The following COL25A1 variants were observed in gnomAD, a reference collection of about 807,000 sequenced individuals.
The protein encoded by COL25A1 is collagen alpha-1(XXV) chain.
Under a neutral mutation model 128.4 loss-of-function variants are expected in COL25A1, and 103 were observed. That is an observed-to-expected ratio of 0.80 (90% CI 0.68 to 0.94). The LOEUF (loss-of-function observed/expected upper bound fraction) is 0.94, where lower values mean the gene tolerates loss of function less well. Among genes scored for constraint, COL25A1 ranks in the 40% least tolerant of loss-of-function variants. COL25A1 has a pLI of 0.00. For missense variants in COL25A1, 745 were observed against 840.0 expected (o/e 0.89, Z 1.40); for synonymous variants, 279 against 277.2 (o/e 1.01, Z -0.06).
intron 3 of COL25A1, among the ~76,000 whole-genome samples, chr4:109,110,912 G>A (rs1371043942): frequency 6.6e-6 from 1 of 151,998 alleles, no homozygotes; most frequent in African/African-American, 2.4e-5. Context: ...TCCTACTCTG[G>A]CTCCATGATT....
intron 3 of COL25A1, among the ~76,000 whole-genome samples, chr4:109,092,459 C>T (rs776332048): frequency 2.8e-4 from 43 of 152,158 alleles, no homozygotes; most frequent in Non-Finnish European, 3.4e-4. Flanking sequence ...ACTGCATTCC[C>T]GCCTGGGTGA....
At chr4:109,180,958 T>C (rs1774573423) in intron 3 of COL25A1, among the ~76,000 whole-genome samples, 1 of 152,190 alleles carries the variant, frequency 6.6e-6, no homozygotes, top group African/African-American at 2.4e-5. Context: ...ATCAAATATA[T>C]AATGTCATAA....
chr4:109,137,174 G>A (rs932858791), intron 3 of COL25A1, among the ~76,000 whole-genome samples: 1 of 152,140 alleles, frequency 6.6e-6, no homozygotes, highest in African/African-American at 2.4e-5. Flanking sequence ...GAACTGGGTC[G>A]AGCATTAACC....
At chr4:108,935,325 G>C (rs764714209) in intron 11 of COL25A1, among the ~76,000 whole-genome samples, 4 of 152,140 alleles carry the variant, frequency 2.6e-5, no homozygotes, top group Non-Finnish European at 5.9e-5. Flanking sequence ...ATGGCAACTG[G>C]GGGTAAAGAA....
intron 3 of COL25A1, among the ~76,000 whole-genome samples, chr4:109,248,550 A>T (rs1780434825): frequency 6.6e-6 from 1 of 151,356 alleles, no homozygotes; most frequent in African/African-American, 2.5e-5. Flanking sequence ...ACACAAAAAG[A>T]ATCAGCATCT....
chr4:109,165,740 CA>C (rs1262394332), intron 3 of COL25A1, among the ~76,000 whole-genome samples: 1 of 152,064 alleles, frequency 6.6e-6, no homozygotes, highest in Non-Finnish European at 1.5e-5. Context: ...AATTAGTAGT[CA>C]TGATGGTGTA....
At chr4:108,825,425 G>T (rs532991529) in intron 33 of COL25A1, among the ~76,000 whole-genome samples, 4 of 152,226 alleles carry the variant, frequency 2.6e-5, no homozygotes, top group Middle Eastern at 3.4e-3. Flanking sequence ...GGGTTAAATA[G>T]ATTAATATTT....
chr4:108,955,640 G>A (rs12511634), intron 8 of COL25A1, among the ~76,000 whole-genome samples: 33,542 of 151,990 alleles, frequency 0.22, 3,781 homozygotes, highest in Non-Finnish European at 0.24. Context: ...TGTGTCAGGA[G>A]CACTTGGGCT....
intron 3 of COL25A1, among the ~76,000 whole-genome samples, chr4:109,240,015 G>A (rs1779778084): frequency 6.6e-6 from 1 of 152,002 alleles, no homozygotes; most frequent in African/African-American, 2.4e-5. Flanking sequence ...AAGGTCTTCA[G>A]GGGCAATGAC....
intron 6 of COL25A1, among the ~76,000 whole-genome samples, chr4:108,979,119 G>A (rs766538311): frequency 1.2e-4 from 18 of 152,058 alleles, no homozygotes; most frequent in Non-Finnish European, 7.4e-5. Flanking sequence ...AAATTTCTGT[G>A]GCAAACTTAA....
chr4:109,184,528 T>C (rs1774966384), intron 3 of COL25A1, among the ~76,000 whole-genome samples: 1 of 152,132 alleles, frequency 6.6e-6, no homozygotes, highest in Admixed American at 6.6e-5. Context: ...CTTTCTAGAC[T>C]ATATTTAGCT....
chr4:108,982,167 C>T (rs1293372855), intron 6 of COL25A1, among the ~76,000 whole-genome samples: 2 of 152,190 alleles, frequency 1.3e-5, no homozygotes, highest in Non-Finnish European at 2.9e-5. Flanking sequence ...GCACTCCAGC[C>T]TGGGCAACAG....
intron 3 of COL25A1, among the ~76,000 whole-genome samples, chr4:109,062,871 G>A (rs890882472): frequency 1.8e-4 from 27 of 152,114 alleles, no homozygotes; most frequent in Non-Finnish European, 3.5e-4. Flanking sequence ...AAATCCCCAA[G>A]ACACCTGATT....
intron 6 of COL25A1, among the ~76,000 whole-genome samples, chr4:108,999,558 C>T (rs1405600967): frequency 5.3e-5 from 8 of 152,254 alleles, no homozygotes; most frequent in South Asian, 2.1e-4. Flanking sequence ...GACAGTGTGG[C>T]GATTCCTCAA....
At chr4:108,856,791 T>G (rs1052627358) in intron 24 of COL25A1, among the ~76,000 whole-genome samples, 9 of 152,094 alleles carry the variant, frequency 5.9e-5, no homozygotes, top group African/African-American at 2.2e-4. Context: ...CATATTGAAA[T>G]ATAGGTGTCA....
chr4:108,971,457 G>C (rs548406637), intron 8 of COL25A1, among the ~76,000 whole-genome samples: 26 of 152,290 alleles, frequency 1.7e-4, no homozygotes, highest in Admixed American at 1.4e-3. Flanking sequence ...AGTTAGAGAA[G>C]TTCTCTCAGA....
At chr4:109,046,952 A>G (rs927417204) in intron 5 of COL25A1, among the ~76,000 whole-genome samples, 1 of 152,154 alleles carries the variant, frequency 6.6e-6, no homozygotes, top group African/African-American at 2.4e-5. Flanking sequence ...TTACTCAAAA[A>G]CACATCTAGC....
At chr4:109,214,837 CT>C (rs953515210) in intron 3 of COL25A1, among the ~76,000 whole-genome samples, 3 of 152,132 alleles carry the variant, frequency 2.0e-5, no homozygotes, top group African/African-American at 7.2e-5. Context: ...CATGGTTACC[CT>C]TTGATCTCAC....
chr4:108,852,107 C>T, intron 26 of COL25A1, 129 bp downstream of exon 26: 1 of 696,274 alleles, frequency 1.4e-6, no homozygotes, highest in Non-Finnish European at 2.4e-6. Context: ...TTTCTTCGCT[C>T]TCTAAAACAA....
Sources: allele counts gnomAD v4.1 joint callset (sites outside exome capture counted in the v4.1 genomes callset), GRCh38; gene constraint gnomAD v4.1.1; transcripts MANE v1.5; gene names NCBI Gene and HGNC (gene_info 2026-07-23, HGNC 2026-07-21).